Variants in MAGI2 observed in about 807,000 individuals in gnomAD.
MAGI2 encodes membrane-associated guanylate kinase, WW and PDZ domain-containing protein 2.
Under a neutral mutation model 133.3 loss-of-function variants are expected in MAGI2, and 35 were observed. The observed-to-expected ratio is 0.26, with a 90% CI of 0.20 to 0.35. The LOEUF is 0.35. MAGI2 is among the 10% of genes least tolerant of loss of function. The pLI, the probability that MAGI2 is intolerant of heterozygous loss-of-function variation, is 1.00. For synonymous variants in MAGI2, 729 were observed against 710.6 expected (o/e 1.03, Z -0.41); for missense variants, 1,636 against 1,863.4 (o/e 0.88, Z 2.25).
At chr7:78,611,523 G>A (rs1806437591) in intron 3 of MAGI2, among the ~76,000 whole-genome samples, 1 of 152,176 alleles carries the variant, frequency 6.6e-6, no homozygotes, top group Admixed American at 6.5e-5. Flanking sequence ...CTGGAGCACT[G>A]AGACTTTTTA....
chr7:79,373,106 A>T (rs1843156384), intron 1 of MAGI2, among the ~76,000 whole-genome samples: 1 of 152,098 alleles, frequency 6.6e-6, no homozygotes, highest in Non-Finnish European at 1.5e-5. Context: ...AAATATTATC[A>T]TTTGGTAATC....
intron 1 of MAGI2, among the ~76,000 whole-genome samples, chr7:79,103,329 T>C (rs1198193444): frequency 6.6e-6 from 1 of 152,214 alleles, no homozygotes; most frequent in Non-Finnish European, 1.5e-5. Flanking sequence ...CTGTTTTTTA[T>C]ACTGTTCTTT....
intron 2 of MAGI2, among the ~76,000 whole-genome samples, chr7:78,837,558 T>C (rs1791747909): frequency 1.3e-5 from 2 of 152,160 alleles, no homozygotes; most frequent in African/African-American, 4.8e-5. Flanking sequence ...AATTAATTTC[T>C]TTTAAAAAGG....
chr7:78,692,077 TA>T (rs1563361821), intron 2 of MAGI2, among the ~76,000 whole-genome samples: 1 of 152,052 alleles, frequency 6.6e-6, no homozygotes, highest in Non-Finnish European at 1.5e-5. Flanking sequence ...ATAAGGTCTT[TA>T]AAAAAATCAG....
At chr7:78,663,490 C>A (rs918304982) in intron 2 of MAGI2, among the ~76,000 whole-genome samples, 2 of 152,086 alleles carry the variant, frequency 1.3e-5, no homozygotes, top group Non-Finnish European at 2.9e-5. Context: ...CAGGCGTGAG[C>A]CACTGTGCCC....
intron 2 of MAGI2, among the ~76,000 whole-genome samples, chr7:78,973,335 G>C (rs1325880493): frequency 6.6e-6 from 1 of 151,628 alleles, no homozygotes; most frequent in Non-Finnish European, 1.5e-5. Flanking sequence ...TGCTCCTTCT[G>C]TATTTATATC....
At chr7:78,711,958 G>A (rs190021550) in intron 2 of MAGI2, among the ~76,000 whole-genome samples, 5 of 152,224 alleles carry the variant, frequency 3.3e-5, no homozygotes, top group Admixed American at 3.3e-4. Context: ...AGAGTCCTAA[G>A]CTTTCTATCT....
intron 10 of MAGI2, among the ~76,000 whole-genome samples, chr7:78,223,901 C>T (rs187155608): frequency 6.1e-4 from 93 of 152,248 alleles, no homozygotes; most frequent in African/African-American, 1.9e-3. Context: ...CACTGCTTTT[C>T]CCAGGCATGT....
At chr7:78,419,588 G>A (rs559115940) in intron 6 of MAGI2, among the ~76,000 whole-genome samples, 2 of 123,576 alleles carry the variant, frequency 1.6e-5, no homozygotes, top group South Asian at 5.8e-4. Context: ...CTGAGTCTGG[G>A]ATTGAGCAGT....
At chr7:78,438,310 GAT>G (rs1787256387) in intron 6 of MAGI2, among the ~76,000 whole-genome samples, 1 of 151,740 alleles carries the variant, frequency 6.6e-6, no homozygotes, top group Non-Finnish European at 1.5e-5. Context: ...GGTTCCTTGA[GAT>G]ATGAATTTTT....
chr7:79,401,292 T>A (rs1474571554), intron 1 of MAGI2, among the ~76,000 whole-genome samples: 1 of 152,206 alleles, frequency 6.6e-6, no homozygotes, highest in African/African-American at 2.4e-5. Context: ...AAGTCTATTG[T>A]TTTAATAGCA....
In MAGI2 at chr7:78,017,516, G is replaced by A. The variant is rs903306145; in HGVS notation, c.*1799C>T. 3 of 152,460 alleles carry A rather than the reference G, an allele frequency of 2.0e-5. No homozygotes were observed. The highest frequency in any genetic ancestry group is 7.2e-5 in the African/African-American group (3 of 41,454). 9.4% of individuals were successfully genotyped at this position (152,460 alleles called of 1,614,324 possible). ...CAAAACCAGATTCAATAAATTAATG[G>A]CAAACTATACTGGATTTCTAGTCCA... On this transcript the variant is annotated 3_prime_UTR_variant, in exon 22 of 22. Coordinates refer to ENST00000354212, the MANE Select transcript of MAGI2 (RefSeq NM_012301.4).
intron 6 of MAGI2, among the ~76,000 whole-genome samples, chr7:78,390,012 AAAT>A (rs1170124761): frequency 6.6e-6 from 1 of 152,234 alleles, no homozygotes; most frequent in Non-Finnish European, 1.5e-5. Flanking sequence ...ATCATGAATG[AAAT>A]AATAATACTT....
chr7:79,199,510 A>G (rs1040523240), intron 1 of MAGI2, among the ~76,000 whole-genome samples: 4 of 152,058 alleles, frequency 2.6e-5, no homozygotes, highest in Non-Finnish European at 5.9e-5. Context: ...TAGTCATACA[A>G]AGGCAAATGG....
chr7:79,121,556 G>A (rs1320602631), intron 1 of MAGI2, among the ~76,000 whole-genome samples: 6 of 151,966 alleles, frequency 3.9e-5, no homozygotes, highest in African/African-American at 1.5e-4. Flanking sequence ...GTAAATTCCA[G>A]TGGGATGACC....
intron 2 of MAGI2, among the ~76,000 whole-genome samples, chr7:78,850,067 A>G (rs556006401): frequency 3.3e-4 from 50 of 152,260 alleles, no homozygotes; most frequent in Middle Eastern, 3.4e-3. Context: ...AATAAATTGT[A>G]TAGATGCTTG....
chr7:78,568,822 C>T (rs548904340), intron 3 of MAGI2, among the ~76,000 whole-genome samples: 6 of 152,228 alleles, frequency 3.9e-5, no homozygotes, highest in South Asian at 2.1e-4. Flanking sequence ...AGATCAGTTA[C>T]GTGCATGCTC....
chr7:78,135,422 C>CTTG (rs1822009364), intron 16 of MAGI2, among the ~76,000 whole-genome samples: 1 of 152,116 alleles, frequency 6.6e-6, no homozygotes, highest in Non-Finnish European at 1.5e-5. Context: ...AGGCCAATTC[C>CTTG]AAACACAGAC....
At chr7:78,403,262 G>A (rs1435417076) in intron 6 of MAGI2, among the ~76,000 whole-genome samples, 1 of 151,598 alleles carries the variant, frequency 6.6e-6, no homozygotes, top group African/African-American at 2.4e-5. Flanking sequence ...TTGGTTTTCT[G>A]TCCTTGCGAT....
Sources: gnomAD v4.1 joint callset for allele counts (sites outside exome capture counted in the v4.1 genomes callset) on GRCh38, gnomAD v4.1.1 for gene constraint, MANE v1.5 for transcripts, NCBI Gene and HGNC (gene_info 2026-07-23, HGNC 2026-07-21) for gene names.